Variants in ABCA12 observed in about 807,000 individuals in gnomAD.
ABCA12 encodes glucosylceramide transporter ABCA12.
ABCA12 carries 156 observed loss-of-function variants against 293.5 expected under a neutral mutation model. The ratio of observed to expected loss-of-function variants is 0.53; its 90% CI spans 0.47 to 0.61. The LOEUF is 0.61. Among genes scored for constraint, ABCA12 ranks in the 20% least tolerant of loss-of-function variants. The pLI is 0.00. For missense variants in ABCA12, 2,797 were observed against 3,090.2 expected, an observed-to-expected ratio of 0.91 and a Z score of 2.25; for synonymous variants, 1,063 against 1,108.0, an observed-to-expected ratio of 0.96 and a Z score of 0.81.
At chr2:215,015,705 C>G in intron 14 of ABCA12, 42 bp from the exon 15 acceptor site, 2 of 1,574,946 alleles carry the variant, frequency 1.3e-6, no homozygotes, top group Non-Finnish European at 1.7e-6. Flanking sequence ...GTGAATCATT[C>G]GAGAGTCAAC....
At chr2:215,041,845 T>G (rs1295970084) in intron 7 of ABCA12, among the ~76,000 whole-genome samples, 1 of 152,206 alleles carries the variant, frequency 6.6e-6, no homozygotes, top group South Asian at 2.1e-4. Flanking sequence ...AAAGAATGCA[T>G]TTTGAAATAT....
chr2:215,017,640 CTT>C (rs1220749816), intron 14 of ABCA12: 4,497 of 156,028 alleles, frequency 0.029, 141 homozygotes, highest in African/African-American at 0.1. Context: ...GAATATAATT[CTT>C]TTTTTTTTTT....
Position 215,019,435 on chromosome 2 carries a change from C to T in ABCA12, c.1558G>A (p.Ala520Thr). The stretch of plus-strand genomic sequence containing the variant: ...TTTTCCAAGTAATTCATTTGCAGTG[C>T]CTGTTCTAGAAACCTGGAACAAAAC... ...NLNMDQFLEQ[A>T]LQMNYLENIT... Residue 520 changes from alanine (A) to threonine (T), a missense_variant, in exon 13 of 53, where the codon GCA becomes ACA. This residue lies in a region of ABCA12 where 656 missense variants were observed against 638.2 expected (regional missense o/e 1.03). Transcript: ENST00000272895. The T allele has an allele frequency of 6.2e-7, 1 of 1,613,636 alleles. No individual in the cohort carries two copies. Among genetic ancestry groups the T allele is most frequent in the Middle Eastern group, 1.7e-4 (1 of 6,026 alleles).
Position 214,956,703 on chromosome 2 carries a change from T to C in ABCA12, c.6193A>G (p.Asn2065Asp). The change falls in exon 42 of 53, where the codon AAC becomes GAC. Residue 2065 changes from asparagine to aspartate, a missense_variant. Physicochemically the swap from Asn to Asp is conservative, Grantham distance 23. Transcript: ENST00000272895. ...AGGAGAGATACAGCGCCTAGGTTGT[T>C]TTCACTGTAGAATGCAGGTAATTTG... Reference protein sequence around the residue: ...IFKLPAFYSENNLGAVSLLLL... With the variant: ...IFKLPAFYSEDNLGAVSLLLL... 6.2e-7 allele frequency: 1 copy of C among 1,613,760 alleles called. No individual in the cohort carries two copies.
intron 7 of ABCA12, among the ~76,000 whole-genome samples, chr2:215,043,502 G>C (rs1464679): frequency 0.035 from 5,378 of 152,084 alleles, 300 homozygotes; most frequent in African/African-American, 0.12. Context: ...AGTGTAATTT[G>C]CTCCGCCAAA....
chr2:214,938,271 C>T (rs1034129310), intron 50 of ABCA12, among the ~76,000 whole-genome samples: 1 of 152,172 alleles, frequency 6.6e-6, no homozygotes, highest in Non-Finnish European at 1.5e-5. Context: ...CATGTCCCTG[C>T]AAAGGACGTG....
chr2:215,103,357 C>T (rs1465623783), intron 2 of ABCA12, among the ~76,000 whole-genome samples: 1 of 149,750 alleles, frequency 6.7e-6, no homozygotes, highest in Non-Finnish European at 1.5e-5. Context: ...CAACGTCTGC[C>T]TCCTGGGTTC....
At chr2:215,052,853 T>C (rs1701347880) in intron 4 of ABCA12, among the ~76,000 whole-genome samples, 1 of 152,076 alleles carries the variant, frequency 6.6e-6, no homozygotes, top group Non-Finnish European at 1.5e-5. Context: ...GTCGGTGACA[T>C]TAAACTTCAT....
chr2:215,058,567 C>T (rs1559171460), intron 3 of ABCA12, among the ~76,000 whole-genome samples: 1 of 152,046 alleles, frequency 6.6e-6, no homozygotes, highest in Non-Finnish European at 1.5e-5. Context: ...TAGCTGTCCA[C>T]TGAATTCGGG....
intron 27 of ABCA12, among the ~76,000 whole-genome samples, chr2:214,986,991 C>G (rs1028213657): frequency 3.2e-4 from 49 of 152,224 alleles, no homozygotes; most frequent in African/African-American, 1.1e-3. Context: ...TATAAATTCT[C>G]CTTTATTCAA....
In ABCA12 at chr2:214,997,727, GC is replaced by G; in HGVS notation, c.3261del (p.Lys1087AsnfsTer14). ...AGCCGGAGGTCTTTCTCATAGACAAGCTTTTTTACAAAGGCAGCTATAAATA... is the reference window on the plus strand; with the variant it reads ...AGCCGGAGGTCTTTCTCATAGACAAGTTTTTTACAAAGGCAGCTATAAATA... ...WVVFIAAFVKKLVYEKDLRLH... is the reference protein window; with the variant it reads ...WVVFIAAFVKXLVYEKDLRLH... On this transcript the variant is annotated frameshift_variant, in exon 23 of 53. Coordinates refer to ENST00000272895, the MANE Select transcript of ABCA12 (RefSeq NM_173076.3). LOFTEE classifies it high-confidence loss of function. The G allele has an allele frequency of 6.2e-7, 1 of 1,613,174 alleles. No homozygotes were observed. Among genetic ancestry groups the G allele is most frequent in the Non-Finnish European group, 8.5e-7 (1 of 1,179,374 alleles).
intron 2 of ABCA12, among the ~76,000 whole-genome samples, chr2:215,071,292 A>G (rs895980205): frequency 2.0e-5 from 3 of 152,044 alleles, no homozygotes; most frequent in African/African-American, 7.2e-5. Context: ...GGAATTTAAC[A>G]TACATCATTT....
chr2:214,971,442 T>A (rs1255628003), intron 36 of ABCA12, among the ~76,000 whole-genome samples: 1 of 152,090 alleles, frequency 6.6e-6, no homozygotes, highest in Non-Finnish European at 1.5e-5. Flanking sequence ...GTGTAACCAG[T>A]CACCAACAAC....
intron 46 of ABCA12, 109 bp from the exon 47 acceptor site, chr2:214,948,846 G>A: frequency 1.5e-6 from 2 of 1,319,006 alleles, no homozygotes; most frequent in South Asian, 1.2e-5. Context: ...CAGTGACTTT[G>A]ATAAAAAGGG....
chr2:215,012,136 C>T lies in ABCA12; in HGVS notation c.1957-1G>A. 2 of 1,613,356 alleles carry T rather than the reference C, an allele frequency of 1.2e-6. No individual in the cohort carries two copies. Among genetic ancestry groups the T allele is most frequent in the Non-Finnish European group, 1.7e-6 (2 of 1,179,564 alleles). ...TTTGATCTTTCCTCGGGAAAAACAC[C>T]TAACAGAAACAGAATAAAAATAAAT... On this transcript the variant is annotated splice_acceptor_variant, in intron 15 of 52. Transcript: ENST00000272895. LOFTEE classifies it high-confidence loss of function.
At chr2:214,978,228 G>A (rs2105961166) in intron 33 of ABCA12, 88 bp downstream of exon 33, 1 of 1,501,302 alleles carries the variant, frequency 6.7e-7, no homozygotes, top group Non-Finnish European at 9.2e-7. Flanking sequence ...CTTTAGAGTT[G>A]AATTTTTAAA....
At chr2:215,060,723 C>T (rs918756441) in intron 3 of ABCA12, among the ~76,000 whole-genome samples, 2 of 152,024 alleles carry the variant, frequency 1.3e-5, no homozygotes, top group African/African-American at 4.8e-5. Flanking sequence ...GTTTTACTTC[C>T]AGTTATCTTA....
intron 38 of ABCA12, 116 bp from the exon 39 acceptor site, chr2:214,967,069 T>C: frequency 2.3e-6 from 2 of 887,214 alleles, no homozygotes; most frequent in Non-Finnish European, 3.7e-6. Flanking sequence ...TTTCCAATAA[T>C]TTATTTTATC....
intron 2 of ABCA12, among the ~76,000 whole-genome samples, chr2:215,087,948 C>T (rs1702074162): frequency 6.6e-6 from 1 of 152,146 alleles, no homozygotes; most frequent in Non-Finnish European, 1.5e-5. Context: ...ACTGAATGTT[C>T]TAGATCCCAT....
Sources: gnomAD v4.1 joint callset for allele counts (sites outside exome capture counted in the v4.1 genomes callset) on GRCh38, gnomAD v4.1.1 for gene constraint, gnomAD v4.1.1 regional missense constraint, MANE v1.5 for transcripts, NCBI Gene and HGNC (gene_info 2026-07-23, HGNC 2026-07-21) for gene names.